KHDRBS2: variants seen among roughly 807,000 people sequenced by gnomAD.
KHDRBS2 encodes the protein KH RNA binding domain containing, signal transduction associated 2.
In KHDRBS2, 26 loss-of-function variants were observed where a neutral mutation model predicts 44.3. The observed-to-expected ratio is 0.59, with a 90% confidence interval of 0.43 to 0.81. The LOEUF (loss-of-function observed/expected upper bound fraction) is 0.81. KHDRBS2 is among the 40% of genes least tolerant of loss of function. The pLI is 0.00. For missense variants in KHDRBS2, 476 were observed against 433.1 expected, an observed-to-expected ratio of 1.10 and a Z score of -0.88; for synonymous variants, 194 against 151.1, an observed-to-expected ratio of 1.28 and a Z score of -2.08.
At chr6:61,722,031 G>T (rs918340637) in intron 7 of KHDRBS2, among the ~76,000 whole-genome samples, 3 of 151,398 alleles carry the variant, frequency 2.0e-5, no homozygotes, top group Non-Finnish European at 4.4e-5. Flanking sequence ...CATCTATTGA[G>T]ATAATCATGT....
chr6:62,067,063 CTG>C (rs2127339076), intron 2 of KHDRBS2, among the ~76,000 whole-genome samples: 1 of 151,444 alleles, frequency 6.6e-6, no homozygotes, highest in South Asian at 2.1e-4. Context: ...CAACAGCAAA[CTG>C]TTTAGTATCT....
chr6:61,722,805 G>A (rs1772884318), intron 7 of KHDRBS2, among the ~76,000 whole-genome samples: 1 of 151,782 alleles, frequency 6.6e-6, no homozygotes, highest in African/African-American at 2.4e-5. Flanking sequence ...CGCCTCCCGG[G>A]TTCACAACAT....
At chr6:61,926,707 T>A (rs1045875534) in intron 4 of KHDRBS2, among the ~76,000 whole-genome samples, 2 of 152,128 alleles carry the variant, frequency 1.3e-5, no homozygotes, top group Non-Finnish European at 2.9e-5. Context: ...TAGCACTGGG[T>A]TAGGTATTGA....
intron 1 of KHDRBS2, among the ~76,000 whole-genome samples, chr6:62,246,687 T>G (rs1835632150): frequency 6.6e-6 from 1 of 152,074 alleles, no homozygotes; most frequent in Non-Finnish European, 1.5e-5. Flanking sequence ...TTAATGAAGC[T>G]TTCAGGGAAA....
intron 3 of KHDRBS2, among the ~76,000 whole-genome samples, chr6:62,018,734 C>T (rs1218720619): frequency 2.0e-5 from 3 of 152,000 alleles, no homozygotes; most frequent in Non-Finnish European, 2.9e-5. Context: ...GAGAAAAATC[C>T]GTTATTAATT....
At chr6:61,901,475 T>G in intron 4 of KHDRBS2, 104 bp from the exon 5 acceptor site, 2 of 904,064 alleles carry the variant, frequency 2.2e-6, no homozygotes, top group Non-Finnish European at 3.3e-6. Flanking sequence ...GAAATAATTT[T>G]TTTCATTTGT....
chr6:61,711,443 G>T (rs1770504196), intron 7 of KHDRBS2, among the ~76,000 whole-genome samples: 1 of 151,748 alleles, frequency 6.6e-6, no homozygotes. Context: ...ATGTCACAGA[G>T]ATAAATGTGC....
the KHDRBS2 span, among the ~76,000 whole-genome samples, chr6:61,578,433 CT>C: frequency 1.3e-5 from 2 of 152,106 alleles, no homozygotes; most frequent in Non-Finnish European, 2.9e-5. Flanking sequence ...AAATCCCGGA[CT>C]TTTATAGAAT....
At chr6:62,199,375 G>A in intron 1 of KHDRBS2, among the ~76,000 whole-genome samples, 1 of 152,116 alleles carries the variant, frequency 6.6e-6, no homozygotes, top group African/African-American at 2.4e-5. Context: ...AAGCTGATAG[G>A]CAACATCAGC....
intron 6 of KHDRBS2, among the ~76,000 whole-genome samples, chr6:61,851,942 C>T (rs750844662): frequency 6.6e-6 from 1 of 152,138 alleles, no homozygotes; most frequent in African/African-American, 2.4e-5. Flanking sequence ...GTAAACCAGG[C>T]TGGGTGCAGT....
chr6:61,636,963 G>T, the KHDRBS2 span, among the ~76,000 whole-genome samples: 1 of 152,018 alleles, frequency 6.6e-6, no homozygotes, highest in Non-Finnish European at 1.5e-5. Flanking sequence ...GTCACTATTT[G>T]TTGAATAAAC....
At chr6:62,182,276 G>A (rs1822472799) in intron 1 of KHDRBS2, among the ~76,000 whole-genome samples, 1 of 151,990 alleles carries the variant, frequency 6.6e-6, no homozygotes, top group Non-Finnish European at 1.5e-5. Context: ...ACTCATAGAA[G>A]CAAGAAGTAT....
At chr6:61,731,136 T>C (rs1774371973) in intron 7 of KHDRBS2, among the ~76,000 whole-genome samples, 1 of 152,134 alleles carries the variant, frequency 6.6e-6, no homozygotes, top group Non-Finnish European at 1.5e-5. Context: ...ACTATTTTTA[T>C]GTGCTAATGT....
At chr6:61,618,385 T>G in the KHDRBS2 span, among the ~76,000 whole-genome samples, 1 of 152,204 alleles carries the variant, frequency 6.6e-6, no homozygotes, top group Admixed American at 6.5e-5. Flanking sequence ...TTTAAAGACA[T>G]TTTTAACATA....
At position 61,774,368 on chromosome 6, in the gene KHDRBS2, CGATGACAT is replaced by C. The variant is rs1781567661; in HGVS notation, c.811-41612_811-41605del. On this transcript the variant is annotated intron_variant, in intron 6 of 8. Transcript: ENST00000281156. ...GAGGTCCAATCATGTCCCTGTTTGC[CGATGACAT>C]GATTGTATATCTAGAAAACTGCATT... Among the ~76,000 whole-genome samples, 6 of 150,644 alleles carry C rather than the reference CGATGACAT, an allele frequency of 4.0e-5. No homozygotes were observed. The South Asian group carries it at 1.3e-3, about 31-fold the overall frequency.
At chr6:61,808,982 A>G (rs1787652175) in intron 6 of KHDRBS2, among the ~76,000 whole-genome samples, 1 of 152,106 alleles carries the variant, frequency 6.6e-6, no homozygotes, top group Non-Finnish European at 1.5e-5. Context: ...TAAACGCAAT[A>G]TCTATTTCTT....
intron 6 of KHDRBS2, among the ~76,000 whole-genome samples, chr6:61,768,443 C>A (rs1009587626): frequency 6.6e-6 from 1 of 152,116 alleles, no homozygotes; most frequent in African/African-American, 2.4e-5. Context: ...AATATACTTA[C>A]TACACCCATC....
intron 6 of KHDRBS2, among the ~76,000 whole-genome samples, chr6:61,780,034 A>C (rs1208509086): frequency 6.6e-6 from 1 of 152,186 alleles, no homozygotes; most frequent in African/African-American, 2.4e-5. Flanking sequence ...GACATGTGAG[A>C]AGTATTTTGA....
At chr6:62,067,408 G>C (rs1157099714) in intron 2 of KHDRBS2, among the ~76,000 whole-genome samples, 1 of 151,444 alleles carries the variant, frequency 6.6e-6, no homozygotes, top group Non-Finnish European at 1.5e-5. Flanking sequence ...AATAGGCTCT[G>C]TCCAAACTAA....
Sources: gnomAD v4.1 joint callset for allele counts (sites outside exome capture counted in the v4.1 genomes callset) on GRCh38, gnomAD v4.1.1 for gene constraint, MANE v1.5 for transcripts, NCBI Gene and HGNC (gene_info 2026-07-23, HGNC 2026-07-21) for gene names.